Variants in ADGRB1 observed in about 807,000 individuals in gnomAD.
The protein encoded by ADGRB1 is brain-specific angiogenesis inhibitor 1.
Under a neutral mutation model 175.7 loss-of-function variants are expected in ADGRB1, and 36 were observed. That is an observed-to-expected ratio of 0.20 (90% CI 0.16 to 0.27). The LOEUF is 0.27. ADGRB1 is among the 10% of genes least tolerant of loss of function. ADGRB1 has a pLI of 1.00. For synonymous variants in ADGRB1, 1,054 were observed against 979.4 expected, an observed-to-expected ratio of 1.08 and a Z score of -1.42; for missense variants, 1,731 against 2,255.3, an observed-to-expected ratio of 0.77 and a Z score of 4.71.
At chr8:142,524,521 C>T (rs1844060499) in intron 23 of ADGRB1, among the ~76,000 whole-genome samples, 2 of 152,224 alleles carry the variant, frequency 1.3e-5, no homozygotes, top group Non-Finnish European at 1.5e-5. Context: ...AGTGACCCTT[C>T]ACACCTGTGA....
chr8:142,516,621 T>TGC lies in ADGRB1; in HGVS notation c.2818-1516_2818-1515insCG, dbSNP rs1165009590. The stretch of plus-strand genomic sequence containing the variant: ...TGCAGGCCACAGGTGTGTGTGTGTG[T>TGC]GTGCATGTGTGCGGGTCCCAGGTGT... On this transcript the variant is annotated intron_variant, in intron 18 of 30. Transcript: ENST00000517894. Among the ~76,000 whole-genome samples the TGC allele has an allele frequency of 2.1e-3, 288 of 139,022 alleles. 1 individual carries two copies. Among genetic ancestry groups the TGC allele is most frequent in the African/African-American group, 7.4e-3 (265 of 36,002 alleles). The allele number at this position is 139,022 out of a possible 152,430, so 91.2% of individuals were successfully genotyped here. A position where few individuals can be genotyped will look rare whatever the true frequency, so the allele number is the denominator to read the frequency against.
At position 142,477,460 on chromosome 8, in the gene ADGRB1, C is replaced by G; in HGVS notation, c.1298C>G (p.Thr433Arg). 3.1e-6 allele frequency: 5 copies of G among 1,612,786 alleles called. No individual in the cohort carries two copies. Among genetic ancestry groups the G allele is most frequent in the Non-Finnish European group, 3.4e-6 (4 of 1,179,826 alleles). Reference sequence around the variant, plus strand: ...TGTGGCCGTGGCTTTCGGGATCGCACGCGCACCTGCAGGCCCCCCCAGTTT... The same window carrying G: ...TGTGGCCGTGGCTTTCGGGATCGCAGGCGCACCTGCAGGCCCCCCCAGTTT... ...STCGRGFRDR[T>R]RTCRPPQFGG... Residue 433 changes from threonine (T) to arginine (R), a missense_variant, in exon 6 of 31, where the codon ACG becomes AGG. Thr to Arg is a moderately conservative substitution (Grantham distance 71). Around this residue, in one of 8 missense-constraint regions of ADGRB1, gnomAD observed 388 missense variants for 630.9 expected, o/e 0.61. Coordinates refer to ENST00000517894, the MANE Select transcript of ADGRB1 (RefSeq NM_001702.3).
intron 23 of ADGRB1, 150 bp downstream of exon 23, chr8:142,524,454 G>GGGCACC: frequency 1.1e-6 from 1 of 888,292 alleles, no homozygotes; most frequent in Non-Finnish European, 1.7e-6. Context: ...GGGTGGGGGT[G>GGGCACC]CCCACAGCCC....
intron 11 of ADGRB1, among the ~76,000 whole-genome samples, chr8:142,482,046 A>C (rs532346654): frequency 6.6e-6 from 1 of 150,972 alleles, no homozygotes; most frequent in Admixed American, 6.6e-5. Flanking sequence ...TCATAGGCTG[A>C]GCCCTGACCC....
chr8:142,541,923 C>A lies in ADGRB1; in HGVS notation c.3707-18C>A, dbSNP rs1004787541. On this transcript the variant is annotated intron_variant, in intron 27 of 30. Coordinates refer to ENST00000517894, the MANE Select transcript of ADGRB1 (RefSeq NM_001702.3). Reference sequence around the variant, plus strand: ...ACCCCCACACCTGTCCCCGCTGTCTCCCCCGCGGCCCCTGCAGTGCTGAAC... The same window carrying A: ...ACCCCCACACCTGTCCCCGCTGTCTACCCCGCGGCCCCTGCAGTGCTGAAC... 3 of 1,530,220 alleles carry A rather than the reference C, an allele frequency of 2.0e-6. No individual in the cohort carries two copies. The Admixed American group carries it at 5.9e-5, about 30-fold the overall frequency. 94.8% of individuals were successfully genotyped at this position (1,530,220 alleles called of 1,614,324 possible).
chr8:142,514,033 G>T (rs867243081), intron 18 of ADGRB1, among the ~76,000 whole-genome samples: 1 of 151,990 alleles, frequency 6.6e-6, no homozygotes, highest in Admixed American at 6.5e-5. Flanking sequence ...GAGCCCAGCT[G>T]GCAGTTGGGG....
At chr8:142,521,928 C>G (rs755479732) in intron 20 of ADGRB1, 37 bp from the exon 21 acceptor site, 3 of 1,550,000 alleles carry the variant, frequency 1.9e-6, no homozygotes, top group African/African-American at 2.7e-5. Flanking sequence ...GGCCGGGGAG[C>G]ACCTGCCCAG....
intron 13 of ADGRB1, among the ~76,000 whole-genome samples, chr8:142,485,842 GA>G (rs1841640925): frequency 6.6e-6 from 1 of 152,212 alleles, no homozygotes; most frequent in Admixed American, 6.5e-5. Flanking sequence ...ATAAAGATGA[GA>G]GGTTCTGGAG....
chr8:142,465,042 AGACAGGGGAGGCGGGCG>A (rs1311836334), intron 2 of ADGRB1, 60 bp downstream of exon 2: 1 of 657,680 alleles, frequency 1.5e-6, no homozygotes, highest in South Asian at 2.2e-5. Flanking sequence ...GGAGGCGGGC[AGACAGGGGAGGCGGGCG>A]GATGGGGGAA....
chr8:142,528,380 C>T (rs934164391), intron 24 of ADGRB1, among the ~76,000 whole-genome samples: 1 of 152,204 alleles, frequency 6.6e-6, no homozygotes, highest in East Asian at 1.9e-4. Context: ...CGCCCACGCC[C>T]CAGGCCTGAG....
chr8:142,501,898 T>TGTG (rs544515666), intron 17 of ADGRB1, among the ~76,000 whole-genome samples: 28,044 of 38,540 alleles, frequency 0.73, 10,444 homozygotes, highest in African/African-American at 0.89. Flanking sequence ...GTGAGGGTGA[T>TGTG]GTGGTGGTGA....
At chr8:142,458,115 A>G (rs1390120333) in intron 1 of ADGRB1, among the ~76,000 whole-genome samples, 1 of 140,870 alleles carries the variant, frequency 7.1e-6, no homozygotes, top group African/African-American at 2.5e-5. Context: ...TTGGTGGCCT[A>G]GGGTGGGCGG....
chr8:142,469,387 GTGTA>G (rs912306858), intron 2 of ADGRB1, among the ~76,000 whole-genome samples: 2 of 151,150 alleles, frequency 1.3e-5, no homozygotes, highest in African/African-American at 4.9e-5. Context: ...ATGTGGGAGT[GTGTA>G]TGTGCACATG....
At position 142,543,678 on chromosome 8, in the gene ADGRB1, G is replaced by A; in HGVS notation, c.4527G>A (p.Lys1509=). The change falls in exon 30 of 31, where the codon AAG becomes AAA. Residue 1509 remains lysine, a synonymous_variant. Coordinates refer to ENST00000517894, the MANE Select transcript of ADGRB1 (RefSeq NM_001702.3). This position sits in a 1 kb window ranked among gnomAD's most constrained non-coding sequence, Gnocchi z 4.4. ...GGAAGCTGCAGCACGCAGCGGAGAAGGACAAGGAGGTGCTGGGGCCGGACA... is the reference window on the plus strand; with the variant it reads ...GGAAGCTGCAGCACGCAGCGGAGAAAGACAAGGAGGTGCTGGGGCCGGACA... ...LNRKLQHAAE[K]DKEVLGPDSK... is the part of the protein sequence containing the mutation. The A allele has an allele frequency of 6.4e-7, 1 of 1,561,936 alleles. No homozygotes were observed. Among genetic ancestry groups the A allele is most frequent in the East Asian group, 2.4e-5 (1 of 41,690 alleles).
Position 142,511,317 on chromosome 8 carries a change from A to G in ADGRB1, c.2817+244A>G, listed in dbSNP as rs1332960912. The stretch of plus-strand genomic sequence containing the variant: ...CTGGGAGGAGTCGGGACCCCCGGAA[A>G]GTGGCTGATGGGTGGGTCCCATCTC... On this transcript the variant is annotated intron_variant, in intron 18 of 30. Coordinates refer to ENST00000517894, the MANE Select transcript of ADGRB1 (RefSeq NM_001702.3). This position sits in a 1 kb window ranked among gnomAD's most constrained non-coding sequence, Gnocchi z 4.5. 6.6e-6 allele frequency among the ~76,000 whole-genome samples: 1 copy of G among 151,786 alleles called. No individual in the cohort carries two copies. The highest frequency in any genetic ancestry group is 2.4e-5 in the African/African-American group (1 of 41,338).
chr8:142,477,166 C>T lies in ADGRB1; in HGVS notation c.1110C>T (p.Cys370=), dbSNP rs534391651. The change falls in exon 5 of 31, where the codon TGC becomes TGT. Residue 370 remains cysteine (C), a synonymous_variant. Coordinates refer to ENST00000517894, the MANE Select transcript of ADGRB1 (RefSeq NM_001702.3). ...CGTGGAGCGTGTGCTCCAGCACCTG[C>T]GGCGAGGGCTGGCAGACCCGCACGC... ...WSPWSVCSST[C]GEGWQTRTRF... 199 of 1,593,886 alleles carry T rather than the reference C, an allele frequency of 1.2e-4. No individual in the cohort carries two copies. Among genetic ancestry groups the T allele is most frequent in the Non-Finnish European group, 1.4e-4 (168 of 1,177,300 alleles).
intron 17 of ADGRB1, among the ~76,000 whole-genome samples, chr8:142,495,466 G>A (rs1164776571): frequency 1.3e-5 from 2 of 152,122 alleles, no homozygotes; most frequent in African/African-American, 2.4e-5. Flanking sequence ...CAAACCAGGT[G>A]GTTTAAAACA....
chr8:142,512,968 C>T (rs1378047117), intron 18 of ADGRB1, among the ~76,000 whole-genome samples: 5 of 111,824 alleles, frequency 4.5e-5, no homozygotes, highest in African/African-American at 1.6e-4. Context: ...GGGACAGCAG[C>T]GGGGGGCGGG....
At chr8:142,484,175 C>A in intron 12 of ADGRB1, 130 bp downstream of exon 12, 1 of 743,970 alleles carries the variant, frequency 1.3e-6, no homozygotes. Flanking sequence ...AGGATGGTCT[C>A]TTGCTGGTGT....
Sources: gnomAD v4.1 joint callset for allele counts (sites outside exome capture counted in the v4.1 genomes callset) on GRCh38, gnomAD v4.1.1 for gene constraint, gnomAD v4.1.1 regional missense constraint, Gnocchi (gnomAD v3.1) non-coding constraint, MANE v1.5 for transcripts, NCBI Gene and HGNC (gene_info 2026-07-23, HGNC 2026-07-21) for gene names.